GRHL2: variants seen among roughly 807,000 people sequenced by gnomAD.
The protein encoded by GRHL2 is grainyhead like transcription factor 2.
In GRHL2, 21 loss-of-function variants were observed where a neutral mutation model predicts 83.8. The observed-to-expected ratio is 0.25, with a 90% confidence interval of 0.18 to 0.36. GRHL2 has a LOEUF of 0.36. GRHL2 is among the 10% of genes least tolerant of loss of function. The pLI is 1.00. For missense variants in GRHL2, 623 were observed against 781.8 expected, an observed-to-expected ratio of 0.80 and a Z score of 2.42; for synonymous variants, 280 against 278.9, an observed-to-expected ratio of 1.00 and a Z score of -0.04.
chr8:101,532,168 C>A (rs928888782), intron 1 of GRHL2, among the ~76,000 whole-genome samples: 1 of 152,206 alleles, frequency 6.6e-6, no homozygotes, highest in Non-Finnish European at 1.5e-5. Context: ...AGCAGTCAAA[C>A]AATCATTTGT....
At chr8:101,492,810 G>A in intron 1 of GRHL2, 21 bp downstream of exon 1, 1 of 1,613,138 alleles carries the variant, frequency 6.2e-7, no homozygotes, top group Non-Finnish European at 8.5e-7. Context: ...CACACGCGCC[G>A]GCTGCTGCTA....
chr8:101,555,427 G>A (rs1586090446), intron 3 of GRHL2, among the ~76,000 whole-genome samples: 1 of 152,094 alleles, frequency 6.6e-6, no homozygotes, highest in South Asian at 2.1e-4. Flanking sequence ...AGTCACGGTG[G>A]TCTCGTTATG....
chr8:101,518,170 C>A (rs772188318), intron 1 of GRHL2, among the ~76,000 whole-genome samples: 1 of 152,192 alleles, frequency 6.6e-6, no homozygotes, highest in Non-Finnish European at 1.5e-5. Flanking sequence ...TAATCATATC[C>A]TCCACCTCCT....
chr8:101,663,629 A>AT (rs1563633158), intron 14 of GRHL2, among the ~76,000 whole-genome samples: 28 of 145,362 alleles, frequency 1.9e-4, no homozygotes, highest in Admixed American at 7.7e-4. Context: ...AAATAAATAA[A>AT]TAAATAAATA....
intron 4 of GRHL2, among the ~76,000 whole-genome samples, chr8:101,564,056 A>G (rs934286149): frequency 3.3e-5 from 5 of 152,196 alleles, no homozygotes; most frequent in African/African-American, 1.2e-4. Flanking sequence ...AAAGGAAGCT[A>G]TTGTATTTTG....
rs376380743 is a variant in GRHL2 at position 101,501,085 on chromosome 8, GA to G, written c.20+8300del. On this transcript the variant is annotated intron_variant, in intron 1 of 15. Transcript: ENST00000646743. ...TTAAGAATTCTTATAGGAAGTGCTAGAAAAGCTGGTGCATTTCAGGAGATTT... is the reference window on the plus strand; with the variant it reads ...TTAAGAATTCTTATAGGAAGTGCTAGAAAGCTGGTGCATTTCAGGAGATTT... Among the ~76,000 whole-genome samples the G allele has an allele frequency of 1.6e-4, 24 of 152,328 alleles. No individual in the cohort carries two copies. The East Asian group carries it at 3.1e-3, about 20-fold the overall frequency.
chr8:101,564,507 C>G (rs1811673632), intron 4 of GRHL2, among the ~76,000 whole-genome samples: 1 of 152,056 alleles, frequency 6.6e-6, no homozygotes, highest in Non-Finnish European at 1.5e-5. Context: ...ACAGTGGTAG[C>G]ATTAAAAAGT....
In GRHL2 at chr8:101,656,723, A is replaced by T. The variant is rs542995964; in HGVS notation, c.1698+7224A>T. The stretch of plus-strand genomic sequence containing the variant: ...TAATATGAGATAATATTATGAGGAT[A>T]ATAAAATGGGATATAGGATTGTTGT... On this transcript the variant is annotated intron_variant, in intron 14 of 15. Transcript: ENST00000646743. 5.3e-5 allele frequency among the ~76,000 whole-genome samples: 8 copies of T among 152,374 alleles called. No homozygotes were observed. The East Asian group carries it at 1.3e-3, about 26-fold the overall frequency.
intron 1 of GRHL2, among the ~76,000 whole-genome samples, chr8:101,517,149 G>A (rs1810589552): frequency 6.6e-6 from 1 of 152,040 alleles, no homozygotes; most frequent in Admixed American, 6.6e-5. Flanking sequence ...TAGTCACTAG[G>A]GCTAAAAGTA....
At position 101,669,405 on chromosome 8, in the gene GRHL2, AAAGAGT is replaced by A. The variant is rs1284803316; in HGVS notation, c.*2706_*2711del. ...GATGTCATCTTGGAATTGGTTTCTA[AAAGAGT>A]AAGGCATGTCCCTGCCCAGAAACTT... is the stretch of plus-strand genomic sequence containing the variant. On this transcript the variant is annotated 3_prime_UTR_variant, in exon 16 of 16. Coordinates refer to ENST00000646743, the MANE Select transcript of GRHL2 (RefSeq NM_024915.4). 6.6e-6 allele frequency: 1 copy of A among 152,468 alleles called. No individual in the cohort carries two copies. Among genetic ancestry groups the A allele is most frequent in the Non-Finnish European group, 1.5e-5 (1 of 68,004 alleles). 9.4% of individuals were successfully genotyped at this position (152,468 alleles called of 1,614,324 possible).
chr8:101,681,167 G>A, the GRHL2 span, among the ~76,000 whole-genome samples: 1 of 147,844 alleles, frequency 6.8e-6, no homozygotes, highest in African/African-American at 2.6e-5. Context: ...CAACAAAATT[G>A]ATAGACCGCT....
Position 101,664,247 on chromosome 8 carries a change from T to A in GRHL2, c.1699-207T>A, listed in dbSNP as rs143245148. On this transcript the variant is annotated intron_variant, in intron 14 of 15. Coordinates refer to ENST00000646743, the MANE Select transcript of GRHL2 (RefSeq NM_024915.4). ...ACGCTACTTTTATCATAGATTGAAT[T>A]CCCATGAGGCTGGGTTTTTTGTTGA... 1.4e-3 allele frequency among the ~76,000 whole-genome samples: 209 copies of A among 152,340 alleles called. 2 individuals are homozygous for A. Among genetic ancestry groups the A allele is most frequent in the African/African-American group, 4.8e-3 (198 of 41,584 alleles).
intron 1 of GRHL2, among the ~76,000 whole-genome samples, chr8:101,501,129 A>G (rs1586395581): frequency 2.0e-5 from 3 of 152,388 alleles, no homozygotes; most frequent in Middle Eastern, 6.8e-3. Context: ...TATTTTGAAA[A>G]TAAGTCAGGG....
At chr8:101,544,849 T>A (rs1811228385) in intron 2 of GRHL2, among the ~76,000 whole-genome samples, 3 of 152,152 alleles carry the variant, frequency 2.0e-5, no homozygotes, top group Admixed American at 2.0e-4. Context: ...TCCAGCAGCC[T>A]CCACTTTGCA....
the GRHL2 span, among the ~76,000 whole-genome samples, chr8:101,678,668 A>G: frequency 6.6e-6 from 1 of 150,614 alleles, no homozygotes; most frequent in African/African-American, 2.4e-5. Flanking sequence ...ACCTCTGCAG[A>G]CTTAAATGTC....
At chr8:101,608,328 A>C (rs1194499944) in intron 8 of GRHL2, among the ~76,000 whole-genome samples, 1 of 151,962 alleles carries the variant, frequency 6.6e-6, no homozygotes, top group Non-Finnish European at 1.5e-5. Flanking sequence ...TTTTGGAAAG[A>C]CCTAGTAGTA....
chr8:101,499,990 C>T (rs749640981), intron 1 of GRHL2, among the ~76,000 whole-genome samples: 13 of 151,992 alleles, frequency 8.6e-5, no homozygotes, highest in Admixed American at 1.3e-4. Flanking sequence ...GCAGGAGAAT[C>T]GCTTGAACAC....
intron 14 of GRHL2, among the ~76,000 whole-genome samples, chr8:101,657,273 T>C (rs1484842338): frequency 6.6e-6 from 1 of 152,194 alleles, no homozygotes; most frequent in Non-Finnish European, 1.5e-5. Context: ...AGTTCTGTTG[T>C]ATGCCTCTGG....
intron 1 of GRHL2, among the ~76,000 whole-genome samples, chr8:101,525,660 A>G (rs1449205753): frequency 1.3e-5 from 2 of 152,110 alleles, no homozygotes; most frequent in Non-Finnish European, 2.9e-5. Flanking sequence ...CCGGCTTGAA[A>G]TAACATTTTT....
Sources: allele counts gnomAD v4.1 joint callset (sites outside exome capture counted in the v4.1 genomes callset), GRCh38; gene constraint gnomAD v4.1.1; transcripts MANE v1.5; gene names NCBI Gene and HGNC (gene_info 2026-07-23, HGNC 2026-07-21).